Variants in CCDC88C observed in about 807,000 individuals in gnomAD.
The protein encoded by CCDC88C is coiled-coil and HOOK domain protein 88C, also known as protein Daple.
A neutral mutation model predicts 198.8 loss-of-function variants in CCDC88C; 131 were observed. The observed-to-expected ratio is 0.66, with a 90% CI of 0.57 to 0.76. CCDC88C has a LOEUF of 0.76. CCDC88C is among the 30% of genes least tolerant of loss of function. The pLI, the probability that CCDC88C is intolerant of heterozygous loss-of-function variation, is 0.00. For missense variants in CCDC88C, 2,553 were observed against 2,631.6 expected, an observed-to-expected ratio of 0.97 and a Z score of 0.65; for synonymous variants, 1,166 against 1,114.7, an observed-to-expected ratio of 1.05 and a Z score of -0.92.
At chr14:91,369,437 C>T (rs1357720951) in intron 3 of CCDC88C, among the ~76,000 whole-genome samples, 1 of 152,232 alleles carries the variant, frequency 6.6e-6, no homozygotes, top group African/African-American at 2.4e-5. Context: ...AACTCCTGAC[C>T]TCAGGTGATC....
chr14:91,349,179 T>C (rs567009462), intron 4 of CCDC88C, among the ~76,000 whole-genome samples: 20 of 152,300 alleles, frequency 1.3e-4, no homozygotes, highest in Non-Finnish European at 2.2e-4. Context: ...CCCTGCCAAG[T>C]ACCTACTATG....
chr14:91,339,200 C>G lies in CCDC88C; in HGVS notation c.809+78G>C. On this transcript the variant is annotated intron_variant, in intron 8 of 29. Coordinates refer to ENST00000389857, the MANE Select transcript of CCDC88C (RefSeq NM_001080414.4). The surrounding 1 kb of genome is among the most constrained non-coding windows in gnomAD (Gnocchi z 5.8). ...CGTCAGAGCTGTGCCATTGGCAGCA[C>G]CACACATGTGAGTCGACACCACACC... 1 of 1,531,970 alleles carries G rather than the reference C, an allele frequency of 6.5e-7. No individual in the cohort carries two copies. The highest frequency in any genetic ancestry group is 8.9e-7 in the Non-Finnish European group (1 of 1,121,462). 94.9% of individuals were successfully genotyped at this position (1,531,970 alleles called of 1,614,324 possible).
rs536404141 is a variant in CCDC88C, at chr14:91,340,004, G to A, written c.504C>T (p.Asn168=). Residue 168 remains asparagine, a synonymous_variant, in exon 7 of 30, where the codon AAC becomes AAT. Coordinates refer to ENST00000389857, the MANE Select transcript of CCDC88C (RefSeq NM_001080414.4). Reference sequence around the variant, plus strand: ...GCTCCAGCCACTGCAGGTCAAACACGTTCTCTTGGTTGTGAGTCACCTGTG... The same window carrying A: ...GCTCCAGCCACTGCAGGTCAAACACATTCTCTTGGTTGTGAGTCACCTGTG... ...HIQEVTHNQE[N]VFDLQWLELP... 38 of 1,609,380 alleles carry A rather than the reference G, an allele frequency of 2.4e-5. No homozygotes were observed. Among genetic ancestry groups the A allele is most frequent in the African/African-American group, 1.2e-4 (9 of 74,900 alleles).
intron 3 of CCDC88C, among the ~76,000 whole-genome samples, chr14:91,390,282 C>T (rs1010500836): frequency 6.6e-6 from 1 of 152,118 alleles, no homozygotes; most frequent in African/African-American, 2.4e-5. Flanking sequence ...CAGATTTAAG[C>T]ACGGCGTCTG....
intron 27 of CCDC88C, among the ~76,000 whole-genome samples, chr14:91,280,214 G>A (rs1890141918): frequency 6.6e-6 from 1 of 152,220 alleles, no homozygotes; most frequent in African/African-American, 2.4e-5. Context: ...AGCAGGTGCT[G>A]AGCTGAGCCA....
intron 13 of CCDC88C, among the ~76,000 whole-genome samples, chr14:91,318,698 C>A (rs753201524): frequency 6.6e-6 from 1 of 151,876 alleles, no homozygotes; most frequent in Admixed American, 6.6e-5. Flanking sequence ...CTGAGGTGGG[C>A]AGATCACCTG....
At chr14:91,384,614 A>C in intron 3 of CCDC88C, 1 of 414,264 alleles carries the variant, frequency 2.4e-6, no homozygotes, top group East Asian at 7.2e-5. Context: ...ATTGTGCTGC[A>C]CACTACGCAC....
Position 91,297,420 on chromosome 14 carries a change from G to A in CCDC88C, c.3851C>T (p.Thr1284Ile). ...ELHAHTKELK[T>I]SLNNAQLELN... ...CTCCAGCTGCGCGTTGTTCAGTGAG[G>A]TTTTCAGCTCCTTGGTGTGGGCGTG... Residue 1284 changes from threonine to isoleucine, a missense_variant, in exon 22 of 30, where the codon ACC (threonine) becomes ATC (isoleucine). This residue lies in a region of CCDC88C where 1,293 missense variants were observed against 1,219.6 expected (regional missense o/e 1.06). Coordinates refer to ENST00000389857, the MANE Select transcript of CCDC88C (RefSeq NM_001080414.4). 6.2e-7 allele frequency: 1 copy of A among 1,608,552 alleles called. No individual in the cohort carries two copies. Among genetic ancestry groups the A allele is most frequent in the Non-Finnish European group, 8.5e-7 (1 of 1,177,512 alleles).
chr14:91,357,354 C>A (rs1285402594), intron 4 of CCDC88C, among the ~76,000 whole-genome samples: 1 of 152,258 alleles, frequency 6.6e-6, no homozygotes, highest in Non-Finnish European at 1.5e-5. Context: ...TGGGCTTAAG[C>A]AATCCTTCTG....
intron 3 of CCDC88C, among the ~76,000 whole-genome samples, chr14:91,387,312 G>A (rs940821513): frequency 3.3e-5 from 5 of 152,290 alleles, no homozygotes; most frequent in South Asian, 4.1e-4. Context: ...GAACCTCTAC[G>A]GGTTGTCATG....
rs200244690 is a variant in CCDC88C, at chr14:91,338,082, C to T, written c.973G>A (p.Val325Met). ...LDSLREKANR[V>M]ERLELELTRC... is the part of the protein sequence containing the mutation. ...GTCAGCTCCAGCTCCAGCCTCTCCA[C>T]GCGGTTCGCCTTCTCCCGCAGGGAA... Residue 325 changes from valine (V) to methionine (M), a missense_variant, in exon 10 of 30, where the codon GTG becomes ATG. Physicochemically the swap from Val to Met is conservative, Grantham distance 21 (BLOSUM62 1). Coordinates refer to ENST00000389857, the MANE Select transcript of CCDC88C (RefSeq NM_001080414.4). This position sits in a 1 kb window ranked among gnomAD's most constrained non-coding sequence, Gnocchi z 4.8. 18 of 1,613,910 alleles carry T rather than the reference C, an allele frequency of 1.1e-5. No homozygotes were observed. Among genetic ancestry groups the T allele is most frequent in the South Asian group, 4.4e-5 (4 of 91,088 alleles).
Position 91,338,881 on chromosome 14 carries a change from C to A in CCDC88C, c.810-311G>T. The stretch of plus-strand genomic sequence containing the variant: ...CACAGCCAGGCTCCACAGGTGACAT[C>A]CATCAGCTGCAGGAAACCTGGGAGA... On this transcript the variant is annotated intron_variant, in intron 8 of 29. Transcript: ENST00000389857. The surrounding 1 kb of genome is among the most constrained non-coding windows in gnomAD (Gnocchi z 4.8). 1 of 484,218 alleles carries A rather than the reference C, an allele frequency of 2.1e-6. No homozygotes were observed. Among genetic ancestry groups the A allele is most frequent in the Non-Finnish European group, 3.8e-6 (1 of 264,340 alleles). 30.0% of individuals were successfully genotyped at this position (484,218 alleles called of 1,614,324 possible). A position where few individuals can be genotyped will look rare whatever the true frequency, so the allele number is the denominator to read the frequency against.
chr14:91,349,561 C>A (rs181438636), intron 4 of CCDC88C, among the ~76,000 whole-genome samples: 1 of 152,128 alleles, frequency 6.6e-6, no homozygotes, highest in East Asian at 1.9e-4. Flanking sequence ...AACATCAGAC[C>A]GGACACACTC....
In CCDC88C at chr14:91,279,302, C is replaced by T. The variant is rs371969147; in HGVS notation, c.4704G>A (p.Ser1568=). The part of the protein sequence containing the change: ...FEVPNHRQYV[S]RPSSLESSRN... ...TACTGCTCTCTAAGCTACTTGGCCG[C>T]GACACTGAAAGGAAATGGCAGTGTT... Residue 1568 remains serine, a synonymous_variant, in exon 28 of 30, where the codon TCG becomes TCA. Coordinates refer to ENST00000389857, the MANE Select transcript of CCDC88C (RefSeq NM_001080414.4). The T allele has an allele frequency of 5.9e-5, 95 of 1,598,780 alleles. 1 individual carries two copies. Among genetic ancestry groups the T allele is most frequent in the Middle Eastern group, 5.0e-4 (3 of 6,044 alleles).
chr14:91,349,211 T>C (rs2062203377), intron 4 of CCDC88C, among the ~76,000 whole-genome samples: 1 of 151,890 alleles, frequency 6.6e-6, no homozygotes, highest in African/African-American at 2.4e-5. Flanking sequence ...AAACCAGCAA[T>C]CAGAAAGCTG....
Position 91,273,243 on chromosome 14 carries a change from C to T in CCDC88C, c.5469G>A (p.Gln1823=). The T allele has an allele frequency of 1.9e-6, 3 of 1,559,894 alleles. No individual in the cohort carries two copies. Among genetic ancestry groups the T allele is most frequent in the South Asian group, 1.2e-5 (1 of 84,928 alleles). ...GAGCCCCCAGCTTCTGAGGGGACTC[C>T]TGTTTGCAGGCCTCTGGCCCGCTGG... The part of the protein sequence containing the change: ...LRASGPEACK[Q]ESPQKLGAPE... The change falls in exon 30 of 30, where the codon CAG becomes CAA. Residue 1823 remains glutamine (Q), a synonymous_variant. Coordinates refer to ENST00000389857, the MANE Select transcript of CCDC88C (RefSeq NM_001080414.4). This position sits in a 1 kb window ranked among gnomAD's most constrained non-coding sequence, Gnocchi z 5.6.
intron 20 of CCDC88C, among the ~76,000 whole-genome samples, chr14:91,303,186 T>C (rs571814986): frequency 7.9e-5 from 12 of 151,620 alleles, no homozygotes; most frequent in Admixed American, 4.6e-4. Flanking sequence ...GCTGCAGGCC[T>C]ACCCAGGGGC....
chr14:91,306,075 C>T, intron 18 of CCDC88C, 149 bp from the exon 19 acceptor site: 1 of 739,220 alleles, frequency 1.4e-6, no homozygotes. Flanking sequence ...TATTTTCTCT[C>T]TTTGAAAAAG....
chr14:91,400,959 T>C (rs373354823), intron 3 of CCDC88C, among the ~76,000 whole-genome samples: 1 of 152,048 alleles, frequency 6.6e-6, no homozygotes. Context: ...TCTGAGACAA[T>C]GATAGTAGTT....
Sources: allele counts gnomAD v4.1 joint callset (sites outside exome capture counted in the v4.1 genomes callset), GRCh38; gene constraint gnomAD v4.1.1; regional missense constraint gnomAD v4.1.1; non-coding constraint Gnocchi (gnomAD v3.1); transcripts MANE v1.5; gene names NCBI Gene and HGNC (gene_info 2026-07-23, HGNC 2026-07-21).